Variants in SYTL4 observed in about 807,000 individuals in gnomAD.
The protein encoded by SYTL4 is synaptotagmin-like protein 4.
In SYTL4, 16 loss-of-function variants were observed where a neutral mutation model predicts 52.7. The ratio of observed to expected loss-of-function variants is 0.30; its 90% CI spans 0.21 to 0.46. The LOEUF (loss-of-function observed/expected upper bound fraction) is 0.46, where lower values mean the gene tolerates loss of function less well. Ranked by LOEUF, SYTL4 falls within the 20% of genes least tolerant of loss-of-function variation. The pLI is 1.00. For missense variants in SYTL4, 423 were observed against 519.9 expected (o/e 0.81, Z 1.81); for synonymous variants, 160 against 186.6 (o/e 0.86, Z 1.16).
intron 13 of SYTL4, 171 bp from the exon 14 acceptor site, chrX:100,687,416 G>A: frequency 4.6e-6 from 2 of 435,387 alleles, no homozygotes. Context: ...AGAACTACCA[G>A]CACTCAAAAT....
chrX:100,692,790 C>A (rs2083624821), intron 8 of SYTL4, among the ~76,000 whole-genome samples: 1 of 111,191 alleles, frequency 9.0e-6, no homozygotes, highest in Admixed American at 9.6e-5. Flanking sequence ...CTTCCTCCTC[C>A]CGTAGACCTC....
chrX:100,681,424 C>G (rs1429057504), intron 16 of SYTL4, 89 bp from the exon 17 acceptor site: 3 of 649,652 alleles, frequency 4.6e-6, no homozygotes, highest in Non-Finnish European at 7.2e-6. Flanking sequence ...AATTACCCCC[C>G]AAGAACAGCA....
At chrX:100,717,015 C>A in intron 2 of SYTL4, among the ~76,000 whole-genome samples, 1 of 111,671 alleles carries the variant, frequency 9.0e-6, no homozygotes, top group Non-Finnish European at 1.9e-5. Flanking sequence ...GATTTTTCTG[C>A]AAGAGCTCCT....
intron 17 of SYTL4, among the ~76,000 whole-genome samples, 170 bp from the exon 18 acceptor site, chrX:100,679,582 T>C (rs747730399): frequency 1.2e-4 from 13 of 112,355 alleles, no homozygotes; most frequent in African/African-American, 3.9e-4. Flanking sequence ...CAGTAAGCAA[T>C]AGGTGCTGTA....
chrX:100,681,370 G>A (rs773612334), intron 16 of SYTL4, 35 bp from the exon 17 acceptor site: 63 of 1,094,938 alleles, frequency 5.8e-5, no homozygotes, highest in Non-Finnish European at 7.5e-5. Context: ...GTCAAGCTGG[G>A]CTTCTCAAGA....
At chrX:100,723,986 C>A (rs1182595995) in intron 2 of SYTL4, among the ~76,000 whole-genome samples, 1 of 98,560 alleles carries the variant, frequency 1.0e-5, no homozygotes, top group Non-Finnish European at 2.1e-5. Context: ...GCCCCCCGCC[C>A]GGCCAGCCGC....
At chrX:100,707,201 G>C (rs1474622098) in intron 2 of SYTL4, among the ~76,000 whole-genome samples, 1 of 111,988 alleles carries the variant, frequency 8.9e-6, no homozygotes, top group African/African-American at 3.2e-5. Flanking sequence ...CCATGTACTA[G>C]GCTGTAATGC....
chrX:100,715,933 T>TTC (rs1266213802), intron 2 of SYTL4, among the ~76,000 whole-genome samples: 2 of 81,654 alleles, frequency 2.4e-5, no homozygotes, highest in African/African-American at 5.2e-5. Context: ...ATAAGACCTT[T>TTC]TCTCTCTCTC....
At chrX:100,715,073 T>C (rs1391508586) in intron 2 of SYTL4, among the ~76,000 whole-genome samples, 1 of 112,043 alleles carries the variant, frequency 8.9e-6, no homozygotes, top group Admixed American at 9.4e-5. Flanking sequence ...CAAGCTGGAG[T>C]GCAGCGGCAC....
chrX:100,690,529 G>T, intron 10 of SYTL4, 34 bp downstream of exon 10: 6 of 1,119,907 alleles, frequency 5.4e-6, no homozygotes, highest in Non-Finnish European at 7.3e-6. Flanking sequence ...AAGGAAGGGA[G>T]GGGAGGAAGG....
Position 100,691,293 on chromosome X carries a change from C to G in SYTL4, c.540-84G>C, listed in dbSNP as rs757030703. 28 of 613,214 alleles carry G rather than the reference C, an allele frequency of 4.6e-5. No homozygotes were observed. In the African/African-American group the frequency reaches 5.8e-4, roughly 13 times the overall value. The allele number at this position is 613,214 out of a possible 1,213,427, so 50.5% of individuals were successfully genotyped here. On this transcript the variant is annotated intron_variant, in intron 8 of 19. Coordinates refer to ENST00000372989, the MANE Select transcript of SYTL4 (RefSeq NM_001370165.1). ...GGCCTCTTTCCAATCCATTCACAAT[C>G]GTAGCCTGAGTGATCTTTCTAAAAT... is the stretch of plus-strand genomic sequence containing the variant.
At chrX:100,713,624 G>GT (rs1463022993) in intron 2 of SYTL4, among the ~76,000 whole-genome samples, 1 of 101,730 alleles carries the variant, frequency 9.8e-6, no homozygotes, top group East Asian at 3.1e-4. Flanking sequence ...TCAAAAGGGG[G>GT]AAAAAAAAAA....
At chrX:100,690,987 G>T (rs991925766) in intron 9 of SYTL4, 121 bp downstream of exon 9, 26 of 534,023 alleles carry the variant, frequency 4.9e-5, no homozygotes, top group Non-Finnish European at 7.9e-5. Flanking sequence ...AAAGACTTCT[G>T]TTGAGGACAG....
intron 4 of SYTL4, among the ~76,000 whole-genome samples, chrX:100,702,810 A>G (rs764512534): frequency 2.7e-5 from 3 of 112,019 alleles, no homozygotes; most frequent in African/African-American, 6.5e-5. Flanking sequence ...ACACACATAA[A>G]TACAGTACAA....
intron 2 of SYTL4, among the ~76,000 whole-genome samples, chrX:100,705,475 A>G (rs2083937498): frequency 8.9e-6 from 1 of 111,877 alleles, no homozygotes; most frequent in Admixed American, 9.5e-5. Context: ...TACTAAACAG[A>G]CAAATCAAAA....
chrX:100,728,501 A>T (rs1200653445), intron 2 of SYTL4, among the ~76,000 whole-genome samples: 2 of 111,797 alleles, frequency 1.8e-5, no homozygotes, highest in Admixed American at 9.4e-5. Flanking sequence ...GCTATGGGTA[A>T]CTTGAAACCA....
In SYTL4 at chrX:100,713,429, G is replaced by A. The variant is rs576367304; in HGVS notation, c.-239-8543C>T. 3.7e-5 allele frequency among the ~76,000 whole-genome samples: 4 copies of A among 108,695 alleles called. No homozygotes were observed. In the South Asian group the frequency reaches 1.6e-3, roughly 45 times the overall value. The allele number at this position is 108,695 out of a possible 115,157, so 94.4% of individuals were successfully genotyped here. ...CACTATACTCCAGCCTGGGCAACAA[G>A]AGGGAAACTCCGTCTCAAAAGAAAA... On this transcript the variant is annotated intron_variant, in intron 2 of 19. Coordinates refer to ENST00000372989, the MANE Select transcript of SYTL4 (RefSeq NM_001370165.1).
At chrX:100,716,650 C>T (rs1162879586) in intron 2 of SYTL4, among the ~76,000 whole-genome samples, 1 of 107,307 alleles carries the variant, frequency 9.3e-6, no homozygotes, top group African/African-American at 3.4e-5. Context: ...CACCTATGCA[C>T]AAAAATACCA....
At chrX:100,694,826 A>T (rs771924456) in intron 8 of SYTL4, among the ~76,000 whole-genome samples, 2 of 112,098 alleles carry the variant, frequency 1.8e-5, no homozygotes, top group East Asian at 5.6e-4. Context: ...CCAGTAAAGA[A>T]TAAACTCTCC....
Sources: gnomAD v4.1 joint callset for allele counts (sites outside exome capture counted in the v4.1 genomes callset) on GRCh38, gnomAD v4.1.1 for gene constraint, MANE v1.5 for transcripts, NCBI Gene and HGNC (gene_info 2026-07-23, HGNC 2026-07-21) for gene names.